Variants in GOLGA8Q observed in about 807,000 individuals in gnomAD.
GOLGA8Q encodes the protein golgin subfamily A member 8Q.
Under a neutral mutation model 48.7 loss-of-function variants are expected in GOLGA8Q, and 3 were observed. The observed-to-expected ratio is 0.06, with a 90% confidence interval of 0.03 to 0.16. The LOEUF is 0.16. Ranked by LOEUF, GOLGA8Q falls within the 10% of genes least tolerant of loss-of-function variation. GOLGA8Q has a pLI of 1.00. For synonymous variants in GOLGA8Q, 22 were observed against 138.2 expected (o/e 0.16, Z 5.90); for missense variants, 49 against 364.3 (o/e 0.13, Z 7.05).
chr15:30,557,740 TCAC>T lies in GOLGA8Q; in HGVS notation c.592-8_592-6del, dbSNP rs2059652448. The T allele has an allele frequency of 1.2e-6, 2 of 1,600,966 alleles. No individual in the cohort carries two copies. Among genetic ancestry groups the T allele is most frequent in the Admixed American group, 3.3e-5 (2 of 59,704 alleles). On this transcript the variant is annotated splice_polypyrimidine_tract_variant and splice_region_variant and intron_variant, in intron 8 of 18. Transcript: ENST00000562783. ...TCTCCAGATTGAAACTTCTAACTCT[TCAC>T]CATCCAGTTGTCCAGCTGCAGCAAA...
chr15:30,559,683 C>G lies in GOLGA8Q; in HGVS notation c.1200+392C>G, dbSNP rs542164388. On this transcript the variant is annotated intron_variant, in intron 13 of 18. Transcript: ENST00000562783. ...CCTGGCCAATGTGGTAAAACCTCAT[C>G]TCTACTAAAATTAAAAAAAAAAAAA... Among the ~76,000 whole-genome samples, 38 of 151,128 alleles carry G rather than the reference C, an allele frequency of 2.5e-4. No individual in the cohort carries two copies. The East Asian group carries it at 7.4e-3, about 29-fold the overall frequency.
intron 2 of GOLGA8Q, among the ~76,000 whole-genome samples, chr15:30,554,374 C>T (rs1427631522): frequency 9.9e-6 from 1 of 101,156 alleles, no homozygotes; most frequent in East Asian, 2.3e-4. Context: ...TGATTTAGGG[C>T]AAGTTGCTAG....
intron 10 of GOLGA8Q, 94 bp downstream of exon 10, chr15:30,558,145 A>C: frequency 1.9e-6 from 1 of 524,320 alleles, no homozygotes; most frequent in Non-Finnish European, 3.3e-6. Flanking sequence ...AGAGGTGGTC[A>C]TGGGTCTGGG....
chr15:30,558,123 A>G lies in GOLGA8Q; in HGVS notation c.786+72A>G, dbSNP rs1300531644. 5.6e-5 allele frequency: 46 copies of G among 820,070 alleles called. 13 individuals are homozygous for G. In the African/African-American group the frequency reaches 6.9e-4, roughly 12 times the overall value. 50.8% of individuals were successfully genotyped at this position (820,070 alleles called of 1,614,324 possible). On this transcript the variant is annotated intron_variant, in intron 10 of 18. Transcript: ENST00000562783. ...TCTTTCTGGGCATCTGTAAAATGGGAATAGTAGAGCCAGAGGTGGTCATGG... is the reference window on the plus strand; with the variant it reads ...TCTTTCTGGGCATCTGTAAAATGGGGATAGTAGAGCCAGAGGTGGTCATGG...
intron 4 of GOLGA8Q, among the ~76,000 whole-genome samples, chr15:30,555,659 G>C (rs1468644994): frequency 2.0e-5 from 2 of 102,456 alleles, no homozygotes; most frequent in Admixed American, 1.8e-4. Flanking sequence ...AGTGTTTATT[G>C]AATGAACCCA....
In GOLGA8Q at chr15:30,559,751, G is replaced by T. The variant is rs533108153; in HGVS notation, c.1200+460G>T. Reference sequence around the variant, plus strand: ...CGCATGCCTGTAATTCCACCTACTCGGGAGGCTGAGGCACGAGAATTGCTT... The same window carrying T: ...CGCATGCCTGTAATTCCACCTACTCTGGAGGCTGAGGCACGAGAATTGCTT... On this transcript the variant is annotated intron_variant, in intron 13 of 18. Coordinates refer to ENST00000562783, the MANE Select transcript of GOLGA8Q (RefSeq NM_001355476.2). 6.7e-5 allele frequency among the ~76,000 whole-genome samples: 10 copies of T among 149,494 alleles called. No individual in the cohort carries two copies. The East Asian group carries it at 1.8e-3, about 27-fold the overall frequency.
rs747076622 is a variant in GOLGA8Q, at chr15:30,560,576, C to A, written c.1241C>A (p.Thr414Lys). ...EAASQQNQQL[T>K]AQLNLMALPG... ...GCCAGCCAGCAGAACCAGCAGCTAACGGCCCAGCTGAACCTCATGGCTCTC... is the reference window on the plus strand; with the variant it reads ...GCCAGCCAGCAGAACCAGCAGCTAAAGGCCCAGCTGAACCTCATGGCTCTC... The change falls in exon 14 of 19, where the codon ACG (threonine) becomes AAG (lysine). Residue 414 changes from threonine (T) to lysine (K), a missense_variant. Physicochemically the swap from Thr to Lys is moderately conservative, Grantham distance 78 (BLOSUM62 -1). Transcript: ENST00000562783. 23 of 1,131,550 alleles carry A rather than the reference C, an allele frequency of 2.0e-5. 3 individuals are homozygous for A. The East Asian group carries it at 5.4e-4, about 26-fold the overall frequency. 70.1% of individuals were successfully genotyped at this position (1,131,550 alleles called of 1,614,324 possible).
intron 5 of GOLGA8Q, 111 bp downstream of exon 5, chr15:30,556,123 C>G (rs2059639632): frequency 1.8e-6 from 2 of 1,131,340 alleles, no homozygotes; most frequent in East Asian, 2.4e-5. Flanking sequence ...AAGGCTCACC[C>G]CTCAGATTCC....
chr15:30,554,491 C>T (rs368060972), intron 2 of GOLGA8Q, among the ~76,000 whole-genome samples: 2 of 22,680 alleles, frequency 8.8e-5, no homozygotes, highest in Admixed American at 4.9e-4. Context: ...TATGTTAATC[C>T]CTAGTACATG....
In GOLGA8Q at chr15:30,560,507, T is replaced by C. The variant is rs753594225; in HGVS notation, c.1201-29T>C. On this transcript the variant is annotated intron_variant, in intron 13 of 18. Coordinates refer to ENST00000562783, the MANE Select transcript of GOLGA8Q (RefSeq NM_001355476.2). ...GAGGGGGACGACCTGGCAAACTCCA[T>C]CCCTTCTCACTCTTTCCTGGCCCCT... is the stretch of plus-strand genomic sequence containing the variant. 221 of 1,077,996 alleles carry C rather than the reference T, an allele frequency of 2.1e-4. 45 individuals are homozygous for C. The East Asian group carries it at 2.9e-3, about 14-fold the overall frequency. 66.8% of individuals were successfully genotyped at this position (1,077,996 alleles called of 1,614,324 possible).
rs1268688822 is a variant in GOLGA8Q, at chr15:30,563,515, A to G, written c.*1014A>G. On this transcript the variant is annotated 3_prime_UTR_variant, in exon 19 of 19. Coordinates refer to ENST00000562783, the MANE Select transcript of GOLGA8Q (RefSeq NM_001355476.2). ...CTTAATGTATTTAGTGAAGATCATAAGAAATCCTTTACGAGTTCAAATGTC... is the reference window on the plus strand; with the variant it reads ...CTTAATGTATTTAGTGAAGATCATAGGAAATCCTTTACGAGTTCAAATGTC... 2.3e-5 allele frequency among the ~76,000 whole-genome samples: 2 copies of G among 85,760 alleles called. No individual in the cohort carries two copies. The highest frequency in any genetic ancestry group is 4.3e-4 in the East Asian group (2 of 4,690). The allele number at this position is 85,760 out of a possible 152,430, so 56.3% of individuals were successfully genotyped here. A position where few individuals can be genotyped will look rare whatever the true frequency, so the allele number is the denominator to read the frequency against.
rs1277628679 is a variant in GOLGA8Q, at chr15:30,557,766, A to G, written c.607A>G (p.Lys203Glu). ...KKANQLSSCS[K>E]AHTEWELEQS... Reference sequence around the variant, plus strand: ...CACCATCCAGTTGTCCAGCTGCAGCAAAGCACATACAGAGTGGGAGTTAGA... The same window carrying G: ...CACCATCCAGTTGTCCAGCTGCAGCGAAGCACATACAGAGTGGGAGTTAGA... Residue 203 changes from lysine (K) to glutamate (E), a missense_variant, in exon 9 of 19, where the codon AAA (lysine) becomes GAA (glutamate). Physicochemically the swap from Lys to Glu is moderately conservative, Grantham distance 56. Transcript: ENST00000562783. 1 of 1,598,098 alleles carries G rather than the reference A, an allele frequency of 6.3e-7. No individual in the cohort carries two copies. Among genetic ancestry groups the G allele is most frequent in the Admixed American group, 1.7e-5 (1 of 59,480 alleles).
rs1466305969 is a variant in GOLGA8Q, at chr15:30,563,835, CTT to C, written c.*1336_*1337del. On this transcript the variant is annotated 3_prime_UTR_variant, in exon 19 of 19. Transcript: ENST00000562783. Reference sequence around the variant, plus strand: ...GTTTTAGTAGATGGTATTATACTATCTTTGAAAATCAAGGAGAAGTTTATGAA... The same window carrying C: ...GTTTTAGTAGATGGTATTATACTATCTGAAAATCAAGGAGAAGTTTATGAA... Among the ~76,000 whole-genome samples, 1 of 66,538 alleles carries C rather than the reference CTT, an allele frequency of 1.5e-5. No homozygotes were observed. The highest frequency in any genetic ancestry group is 2.8e-5 in the Non-Finnish European group (1 of 35,466). The allele number at this position is 66,538 out of a possible 152,430, so 43.7% of individuals were successfully genotyped here. A position where few individuals can be genotyped will look rare whatever the true frequency, so the allele number is the denominator to read the frequency against.
chr15:30,559,836 C>A (rs2059668759), intron 13 of GOLGA8Q, among the ~76,000 whole-genome samples: 1 of 126,440 alleles, frequency 7.9e-6, no homozygotes, highest in Non-Finnish European at 1.7e-5. Context: ...CCAGCCTGGG[C>A]CACAGAGTGA....
chr15:30,556,698 CA>C lies in GOLGA8Q; in HGVS notation c.590del (p.Gln197ArgfsTer14). 1 of 842,670 alleles carries C rather than the reference CA, an allele frequency of 1.2e-6. No individual in the cohort carries two copies. Among genetic ancestry groups the C allele is most frequent in the Non-Finnish European group, 1.9e-6 (1 of 515,338 alleles). 52.2% of individuals were successfully genotyped at this position (842,670 alleles called of 1,614,324 possible). A position where few individuals can be genotyped will look rare whatever the true frequency, so the allele number is the denominator to read the frequency against. ...CGCCACAGAGAAGAAGAAGGCAAACCAGGTGAGTCCAGCCACCTGCCCCATC... is the reference window on the plus strand; with the variant it reads ...CGCCACAGAGAAGAAGAAGGCAAACCGGTGAGTCCAGCCACCTGCCCCATC... ...VIATEKKKAN[Q>X]LSSCSKAHTE... On this transcript the variant is annotated frameshift_variant and splice_region_variant, in exon 8 of 19. Coordinates refer to ENST00000562783, the MANE Select transcript of GOLGA8Q (RefSeq NM_001355476.2). LOFTEE classifies it high-confidence loss of function.
Position 30,560,361 on chromosome 15 carries a change from C to T in GOLGA8Q, c.1201-175C>T, listed in dbSNP as rs539960437. Among the ~76,000 whole-genome samples, 6 of 92,476 alleles carry T rather than the reference C, an allele frequency of 6.5e-5. 1 individual carries two copies. In the East Asian group the frequency reaches 1.3e-3, roughly 19 times the overall value. The allele number at this position is 92,476 out of a possible 152,430, so 60.7% of individuals were successfully genotyped here. A position where few individuals can be genotyped will look rare whatever the true frequency, so the allele number is the denominator to read the frequency against. On this transcript the variant is annotated intron_variant, in intron 13 of 18. Coordinates refer to ENST00000562783, the MANE Select transcript of GOLGA8Q (RefSeq NM_001355476.2). ...GGAGGCGCTGTACAGGCAGTGACTG[C>T]AACAGACCCAGCTAATGAACCAGCT...
chr15:30,554,290 A>G lies in GOLGA8Q; in HGVS notation c.168+379A>G, dbSNP rs555583391. On this transcript the variant is annotated intron_variant, in intron 2 of 18. Coordinates refer to ENST00000562783, the MANE Select transcript of GOLGA8Q (RefSeq NM_001355476.2). ...CGCACTCCAGCCTGGTGAAAGAGCAAGACTCTGTCTCAAAAAAAAAAAAAA... is the reference window on the plus strand; with the variant it reads ...CGCACTCCAGCCTGGTGAAAGAGCAGGACTCTGTCTCAAAAAAAAAAAAAA... 1.9e-4 allele frequency among the ~76,000 whole-genome samples: 25 copies of G among 128,366 alleles called. No individual in the cohort carries two copies. The South Asian group carries it at 5.4e-3, about 28-fold the overall frequency. The allele number at this position is 128,366 out of a possible 152,430, so 84.2% of individuals were successfully genotyped here.
chr15:30,559,083 CTGTGAGCCAGG>C, intron 12 of GOLGA8Q, 116 bp downstream of exon 12: 1 of 349,528 alleles, frequency 2.9e-6, no homozygotes, highest in East Asian at 3.4e-5. Flanking sequence ...CTAAAGGCAC[CTGTGAGCCAGG>C]TGGCTGTGGG....
At chr15:30,556,738 GT>G (rs1177657113) in intron 8 of GOLGA8Q, 38 bp downstream of exon 8, 1 of 1,088,884 alleles carries the variant, frequency 9.2e-7, no homozygotes, top group South Asian at 1.3e-5. Flanking sequence ...TGGGAGCCTG[GT>G]TTTGCAGATG....
Sources: allele counts gnomAD v4.1 joint callset (sites outside exome capture counted in the v4.1 genomes callset), GRCh38; gene constraint gnomAD v4.1.1; transcripts MANE v1.5; gene names NCBI Gene and HGNC (gene_info 2026-07-23, HGNC 2026-07-21).